The following ADAM22 variants were observed in gnomAD, a reference collection of about 807,000 sequenced individuals.
ADAM22 encodes disintegrin and metalloproteinase domain-containing protein 22.
A neutral mutation model predicts 144.6 loss-of-function variants in ADAM22; 65 were observed. That is an observed-to-expected ratio of 0.45 (90% CI 0.37 to 0.55). The LOEUF (loss-of-function observed/expected upper bound fraction) is 0.55. Among genes scored for constraint, ADAM22 ranks in the 20% least tolerant of loss-of-function variants. The pLI, the probability that ADAM22 is intolerant of heterozygous loss-of-function variation, is 0.00. For missense variants in ADAM22, 974 were observed against 1,184.9 expected, an observed-to-expected ratio of 0.82 and a Z score of 2.61; for synonymous variants, 391 against 412.6, an observed-to-expected ratio of 0.95 and a Z score of 0.63.
intron 3 of ADAM22, among the ~76,000 whole-genome samples, chr7:88,050,372 C>T (rs897837334): frequency 3.3e-5 from 5 of 150,166 alleles, no homozygotes; most frequent in South Asian, 2.1e-4. Flanking sequence ...CACTCCAGCC[C>T]GGGTGTCAGA....
chr7:88,104,967 G>A (rs971363334), intron 4 of ADAM22, among the ~76,000 whole-genome samples: 1 of 151,962 alleles, frequency 6.6e-6, no homozygotes, highest in Admixed American at 6.6e-5. Context: ...TCAAATCAGA[G>A]ATTAGTGAAA....
intron 3 of ADAM22, among the ~76,000 whole-genome samples, chr7:88,059,736 A>G (rs1047624527): frequency 6.6e-6 from 1 of 152,224 alleles, no homozygotes; most frequent in African/African-American, 2.4e-5. Context: ...GCTGAAGACC[A>G]TTGTCCTAAG....
At chr7:88,151,093 T>C in intron 19 of ADAM22, 62 bp downstream of exon 19, 1 of 1,566,172 alleles carries the variant, frequency 6.4e-7, no homozygotes, top group African/African-American at 1.4e-5. Flanking sequence ...AATACTGAAA[T>C]CTTATCAAAA....
chr7:87,944,844 TA>T (rs1266812929), intron 2 of ADAM22, among the ~76,000 whole-genome samples: 3 of 150,916 alleles, frequency 2.0e-5, no homozygotes, highest in African/African-American at 4.9e-5. Context: ...TTTTTTTTTT[TA>T]GTCAGTCTTG....
intron 22 of ADAM22, among the ~76,000 whole-genome samples, chr7:88,160,037 A>C (rs1841141282): frequency 1.3e-5 from 2 of 152,220 alleles, no homozygotes; most frequent in Admixed American, 1.3e-4. Context: ...CTTTCAGCTG[A>C]TAAACAACTT....
chr7:88,054,588 CTGTGTGTGTGTGTGTGTGTG>C (rs58027941), intron 3 of ADAM22, among the ~76,000 whole-genome samples: 1 of 132,170 alleles, frequency 7.6e-6, no homozygotes, highest in Admixed American at 7.6e-5. Context: ...AGGTGCCCTC[CTGTGTGTGTGTGTGTGTGTG>C]TGTGTGTGTG....
At chr7:88,061,176 A>G (rs578034614) in intron 3 of ADAM22, among the ~76,000 whole-genome samples, 12 of 152,160 alleles carry the variant, frequency 7.9e-5, no homozygotes, top group Non-Finnish European at 1.3e-4. Context: ...TTCAGACTAC[A>G]TGTCTAATTC....
intron 3 of ADAM22, among the ~76,000 whole-genome samples, chr7:88,066,212 C>A (rs1284660017): frequency 6.6e-6 from 1 of 151,990 alleles, no homozygotes; most frequent in Non-Finnish European, 1.5e-5. Flanking sequence ...TTGCAGTACT[C>A]CAGGCAAGAT....
intron 3 of ADAM22, among the ~76,000 whole-genome samples, chr7:88,048,960 AGTTTTGGCTTTG>A (rs1327851962): frequency 6.6e-6 from 1 of 152,136 alleles, no homozygotes; most frequent in Non-Finnish European, 1.5e-5. Context: ...TTTTATTTTC[AGTTTTGGCTTTG>A]GTTTTAGAAA....
intron 3 of ADAM22, among the ~76,000 whole-genome samples, chr7:88,020,993 C>T (rs1227243056): frequency 1.3e-5 from 2 of 152,166 alleles, no homozygotes; most frequent in African/African-American, 4.8e-5. Flanking sequence ...CCACAATCTT[C>T]TTTGGAGAGA....
chr7:87,954,702 TG>T (rs1846187012), intron 2 of ADAM22, among the ~76,000 whole-genome samples: 2 of 152,204 alleles, frequency 1.3e-5, no homozygotes, highest in Admixed American at 1.3e-4. Flanking sequence ...CTTGCTAGAT[TG>T]GGGAAGTTCT....
intron 29 of ADAM22, among the ~76,000 whole-genome samples, chr7:88,185,016 T>C (rs1441041069): frequency 2.6e-5 from 4 of 152,224 alleles, no homozygotes; most frequent in African/African-American, 9.6e-5. Context: ...CACCTGATTA[T>C]AGCTGCATGG....
chr7:88,075,477 TGA>T, intron 3 of ADAM22, 147 bp from the exon 4 acceptor site: 1 of 635,896 alleles, frequency 1.6e-6, no homozygotes, highest in South Asian at 1.7e-5. Flanking sequence ...TGTGTGTGTG[TGA>T]GTGTGAGAGA....
chr7:88,098,181 TG>T (rs1245238996), intron 4 of ADAM22, among the ~76,000 whole-genome samples: 8 of 152,162 alleles, frequency 5.3e-5, no homozygotes, highest in Admixed American at 2.6e-4. Flanking sequence ...CTTAGTAAAA[TG>T]GAATATTAAG....
chr7:87,963,347 A>G (rs1455180644), intron 2 of ADAM22, among the ~76,000 whole-genome samples: 2 of 152,208 alleles, frequency 1.3e-5, no homozygotes, highest in East Asian at 1.9e-4. Flanking sequence ...TCAGAAGTGA[A>G]TAAGTTCTCC....
At chr7:87,963,688 A>C (rs1295686508) in intron 2 of ADAM22, among the ~76,000 whole-genome samples, 1 of 152,178 alleles carries the variant, frequency 6.6e-6, no homozygotes, top group Non-Finnish European at 1.5e-5. Context: ...GAGCCCCTGT[A>C]TGCTCAGTTT....
At chr7:88,186,425 CTTG>C (rs922551764) in intron 29 of ADAM22, 187 bp from the exon 30 acceptor site, 2 of 598,304 alleles carry the variant, frequency 3.3e-6, no homozygotes, top group Non-Finnish European at 6.0e-6. Flanking sequence ...TTGATTGAGC[CTTG>C]TTGTAGCTGA....
At chr7:88,017,527 G>T (rs978601119) in intron 3 of ADAM22, among the ~76,000 whole-genome samples, 1 of 151,862 alleles carries the variant, frequency 6.6e-6, no homozygotes, top group African/African-American at 2.4e-5. Flanking sequence ...ATATATGTAG[G>T]TTTATTCATT....
At position 88,008,914 on chromosome 7, in the gene ADAM22, A is replaced by C. The variant is rs570613553; in HGVS notation, c.323+30502A>C. Among the ~76,000 whole-genome samples the C allele has an allele frequency of 4.4e-3, 478 of 109,174 alleles. 1 individual carries two copies. Among genetic ancestry groups the C allele is most frequent in the African/African-American group, 0.016 (454 of 28,026 alleles). 71.6% of individuals were successfully genotyped at this position (109,174 alleles called of 152,430 possible). The stretch of plus-strand genomic sequence containing the variant: ...AGTATAATAATAATAATAATAATAA[A>C]AAGAAAAAAAAGAAAAAAAAAGAAA... On this transcript the variant is annotated intron_variant, in intron 3 of 31. Coordinates refer to ENST00000413139, the MANE Select transcript of ADAM22 (RefSeq NM_001324418.2).
Sources: allele counts gnomAD v4.1 joint callset (sites outside exome capture counted in the v4.1 genomes callset), GRCh38; gene constraint gnomAD v4.1.1; transcripts MANE v1.5; gene names NCBI Gene and HGNC (gene_info 2026-07-23, HGNC 2026-07-21).